Variants in TRHDE observed in about 807,000 individuals in gnomAD.
TRHDE encodes thyrotropin-releasing hormone-degrading ectoenzyme.
A neutral mutation model predicts 125.7 loss-of-function variants in TRHDE; 72 were observed. The observed-to-expected ratio is 0.57, with a 90% CI of 0.47 to 0.70. The LOEUF (loss-of-function observed/expected upper bound fraction) is 0.70, where lower values mean the gene tolerates loss of function less well. TRHDE is among the 30% of genes least tolerant of loss of function. The probability of loss-of-function intolerance (pLI) is 0.00; values close to 1 mark genes in which losing one functional copy is unlikely to be tolerated. For synonymous variants in TRHDE, 509 were observed against 509.1 expected (o/e 1.00, Z 0.00); for missense variants, 1,110 against 1,327.1 (o/e 0.84, Z 2.54).
intron 5 of TRHDE, among the ~76,000 whole-genome samples, chr12:72,494,360 C>A (rs1877812825): frequency 6.6e-6 from 1 of 151,954 alleles, no homozygotes; most frequent in Admixed American, 6.6e-5. Context: ...TTTCTCCATG[C>A]CTATGAATAC....
intron 2 of TRHDE, among the ~76,000 whole-genome samples, chr12:72,250,545 A>C (rs545623084): frequency 5.3e-5 from 8 of 152,226 alleles, no homozygotes; most frequent in Non-Finnish European, 8.8e-5. Context: ...ACCAGATAAA[A>C]AGAGAACTCA....
chr12:72,469,968 TG>T, intron 4 of TRHDE, 56 bp downstream of exon 4: 3 of 1,556,146 alleles, frequency 1.9e-6, no homozygotes. Context: ...AAAATGATTT[TG>T]AATACCTACA....
At chr12:72,462,651 C>T (rs1417642855) in intron 3 of TRHDE, among the ~76,000 whole-genome samples, 1 of 152,138 alleles carries the variant, frequency 6.6e-6, no homozygotes, top group Admixed American at 6.6e-5. Context: ...ACTGCCCTGT[C>T]TTGGATTGGG....
chr12:72,535,184 G>A (rs1868791567), intron 6 of TRHDE, among the ~76,000 whole-genome samples: 3 of 151,878 alleles, frequency 2.0e-5, no homozygotes, highest in Non-Finnish European at 1.5e-5. Context: ...TGAAATAGGT[G>A]TTCTTATTAT....
chr12:72,440,068 T>C (rs536569884), intron 3 of TRHDE, among the ~76,000 whole-genome samples: 14 of 152,134 alleles, frequency 9.2e-5, no homozygotes, highest in Non-Finnish European at 1.9e-4. Context: ...CACTTATTGA[T>C]TTATGTATGT....
chr12:72,156,372 G>A (rs1318392382), intron 2 of TRHDE, among the ~76,000 whole-genome samples: 1 of 152,170 alleles, frequency 6.6e-6, no homozygotes, highest in Non-Finnish European at 1.5e-5. Flanking sequence ...CCCTGCTTCG[G>A]CTCATGCTCG....
chr12:72,345,870 G>C (rs1424211665), intron 2 of TRHDE, among the ~76,000 whole-genome samples: 1 of 147,608 alleles, frequency 6.8e-6, no homozygotes, highest in East Asian at 2.5e-4. Context: ...ATCACAGAGT[G>C]CCTTTTAGTT....
intron 18 of TRHDE, among the ~76,000 whole-genome samples, chr12:72,660,141 G>C (rs1266522103): frequency 6.6e-6 from 1 of 152,154 alleles, no homozygotes; most frequent in Non-Finnish European, 1.5e-5. Flanking sequence ...AAAGCAGAGA[G>C]GGAAGGCAGC....
chr12:72,195,590 G>A (rs1877425350), intron 2 of TRHDE, among the ~76,000 whole-genome samples: 1 of 152,020 alleles, frequency 6.6e-6, no homozygotes, highest in Non-Finnish European at 1.5e-5. Flanking sequence ...TTTTCAATGA[G>A]GTTGTTTGTT....
chr12:72,390,047 TCAA>T (rs1284793168), intron 3 of TRHDE, among the ~76,000 whole-genome samples: 1 of 152,186 alleles, frequency 6.6e-6, no homozygotes, highest in African/African-American at 2.4e-5. Context: ...TTAGCTACTT[TCAA>T]CTGCAGTTTA....
intron 6 of TRHDE, among the ~76,000 whole-genome samples, chr12:72,535,274 A>G (rs1279430307): frequency 6.6e-6 from 1 of 152,110 alleles, no homozygotes; most frequent in Admixed American, 6.6e-5. Context: ...TCACATGCCT[A>G]AGTACATGAC....
rs749821064 is a variant in TRHDE at position 72,663,006 on chromosome 12, C to G, written c.3067-46C>G. The G allele has an allele frequency of 6.4e-6, 10 of 1,562,294 alleles. No individual in the cohort carries two copies. The African/African-American group carries it at 1.4e-4, about 22-fold the overall frequency. The stretch of plus-strand genomic sequence containing the variant: ...TGTTCATGTTTGTTGGACATGAGTT[C>G]TTTTTAAGACAGGCAGATTTACCAT... On this transcript the variant is annotated intron_variant, in intron 18 of 18. Transcript: ENST00000261180.
At chr12:72,285,736 G>A (rs1451942493) in intron 1 of TRHDE, among the ~76,000 whole-genome samples, 1 of 152,062 alleles carries the variant, frequency 6.6e-6, no homozygotes, top group Non-Finnish European at 1.5e-5. Flanking sequence ...GGCCAGGATT[G>A]TCCCGATCTC....
At chr12:72,247,720 G>A (rs189085197) in intron 2 of TRHDE, among the ~76,000 whole-genome samples, 1 of 152,098 alleles carries the variant, frequency 6.6e-6, no homozygotes, top group Admixed American at 6.6e-5. Flanking sequence ...CACAATATTG[G>A]GCCATAATGT....
intron 2 of TRHDE, among the ~76,000 whole-genome samples, chr12:72,189,676 A>T (rs1877299505): frequency 6.6e-6 from 1 of 152,182 alleles, no homozygotes; most frequent in Non-Finnish European, 1.5e-5. Flanking sequence ...AATGCCTCGA[A>T]GAAGGAGGCA....
At chr12:72,432,909 A>G (rs1052789293) in intron 3 of TRHDE, among the ~76,000 whole-genome samples, 5 of 152,262 alleles carry the variant, frequency 3.3e-5, no homozygotes, top group African/African-American at 1.2e-4. Flanking sequence ...AGGGGAAAGC[A>G]TTTCGTCTCT....
At chr12:72,333,613 G>A (rs1263120967) in intron 2 of TRHDE, among the ~76,000 whole-genome samples, 1 of 152,206 alleles carries the variant, frequency 6.6e-6, no homozygotes, top group Non-Finnish European at 1.5e-5. Context: ...ATGATTAAGT[G>A]TATAGACAAG....
rs190819809 is a variant in TRHDE, at chr12:72,654,063, T to C, written c.2984+907T>C. ...TTTAATATTTTCAGCTCAGATCTTA[T>C]AATAGTTGGACGATTAAAGCTTGCT... On this transcript the variant is annotated intron_variant, in intron 17 of 18. Coordinates refer to ENST00000261180, the MANE Select transcript of TRHDE (RefSeq NM_013381.3). 3.3e-5 allele frequency among the ~76,000 whole-genome samples: 5 copies of C among 152,306 alleles called. No homozygotes were observed. The East Asian group carries it at 9.6e-4, about 29-fold the overall frequency.
intron 12 of TRHDE, among the ~76,000 whole-genome samples, chr12:72,615,185 A>G (rs928806082): frequency 6.6e-6 from 1 of 152,140 alleles, no homozygotes; most frequent in African/African-American, 2.4e-5. Context: ...AGTAGGGAAG[A>G]AAGGTATAAC....
Sources: gnomAD v4.1 joint callset for allele counts (sites outside exome capture counted in the v4.1 genomes callset) on GRCh38, gnomAD v4.1.1 for gene constraint, MANE v1.5 for transcripts, NCBI Gene and HGNC (gene_info 2026-07-23, HGNC 2026-07-21) for gene names.